MKLN1: variants seen among roughly 807,000 people sequenced by gnomAD.
MKLN1 encodes the protein muskelin 1.
Under a neutral mutation model 99.0 loss-of-function variants are expected in MKLN1, and 18 were observed. That is an observed-to-expected ratio of 0.18 (90% CI 0.13 to 0.27). The LOEUF is 0.27. Ranked by LOEUF, MKLN1 falls within the 10% of genes least tolerant of loss-of-function variation. The pLI is 1.00. For missense variants in MKLN1, 621 were observed against 875.9 expected (o/e 0.71, Z 3.67); for synonymous variants, 288 against 293.2 (o/e 0.98, Z 0.18).
At chr7:131,462,171 ACATGT>A (rs1796534429) in intron 12 of MKLN1, among the ~76,000 whole-genome samples, 1 of 152,056 alleles carries the variant, frequency 6.6e-6, no homozygotes, top group African/African-American at 2.4e-5. Flanking sequence ...AGCTAGAACT[ACATGT>A]GCACACCACC....
At position 131,453,407 on chromosome 7, in the gene MKLN1, A is replaced by G. The variant is rs980571165; in HGVS notation, c.1525+7504A>G. 2.0e-5 allele frequency among the ~76,000 whole-genome samples: 3 copies of G among 152,338 alleles called. No individual in the cohort carries two copies. The East Asian group carries it at 5.8e-4, about 29-fold the overall frequency. On this transcript the variant is annotated intron_variant, in intron 12 of 17. Coordinates refer to ENST00000352689, the MANE Select transcript of MKLN1 (RefSeq NM_013255.5). Reference sequence around the variant, plus strand: ...TATGGTAAAGTTGGCATTTCCAGTCAGAGAGAAAGAATAGATTAAACAGTA... The same window carrying G: ...TATGGTAAAGTTGGCATTTCCAGTCGGAGAGAAAGAATAGATTAAACAGTA...
chr7:131,434,274 A>G (rs977600757), intron 9 of MKLN1, among the ~76,000 whole-genome samples: 4 of 151,934 alleles, frequency 2.6e-5, no homozygotes, highest in African/African-American at 9.7e-5. Flanking sequence ...ATCTCTCAGC[A>G]CTCTTAAGAG....
At chr7:131,121,997 G>A (rs1795379774) in intron 1 of MKLN1, among the ~76,000 whole-genome samples, 1 of 152,228 alleles carries the variant, frequency 6.6e-6, no homozygotes, top group Non-Finnish European at 1.5e-5. Context: ...AATCTGTTAA[G>A]GAGGATCAGC....
At chr7:131,443,440 A>G in intron 10 of MKLN1, 41 bp from the exon 11 acceptor site, 1 of 1,436,590 alleles carries the variant, frequency 7.0e-7, no homozygotes, top group Non-Finnish European at 9.8e-7. Context: ...ATATGACAGG[A>G]ACAAACTAAA....
Position 131,489,771 on chromosome 7 carries a change from A to G in MKLN1, c.*2043A>G, listed in dbSNP as rs894850908. ...GGAAACTAAGTTCTTGACCTCAGTA[A>G]TTTTATTTTTGTTTTTCCCTAAATG... On this transcript the variant is annotated 3_prime_UTR_variant, in exon 18 of 18. Coordinates refer to ENST00000352689, the MANE Select transcript of MKLN1 (RefSeq NM_013255.5). The G allele has an allele frequency of 6.6e-6, 1 of 152,052 alleles. No homozygotes were observed. The highest frequency in any genetic ancestry group is 2.4e-5 in the African/African-American group (1 of 41,410). The allele number at this position is 152,052 out of a possible 1,614,324, so 9.4% of individuals were successfully genotyped here.
intron 1 of MKLN1, among the ~76,000 whole-genome samples, chr7:131,115,746 A>G (rs1020852624): frequency 6.6e-6 from 1 of 152,136 alleles, no homozygotes; most frequent in Non-Finnish European, 1.5e-5. Flanking sequence ...TTGCTCTTGT[A>G]TTATAGGATT....
intron 2 of MKLN1, among the ~76,000 whole-genome samples, chr7:131,195,059 T>C (rs1004221599): frequency 2.0e-5 from 3 of 152,194 alleles, no homozygotes; most frequent in Non-Finnish European, 4.4e-5. Context: ...CATACTTCTT[T>C]TACAATTTCC....
intron 2 of MKLN1, among the ~76,000 whole-genome samples, chr7:131,198,711 A>G (rs1158558412): frequency 6.6e-6 from 1 of 152,216 alleles, no homozygotes; most frequent in Non-Finnish European, 1.5e-5. Flanking sequence ...AAATTTTGCT[A>G]AGTGAATTGA....
chr7:131,117,086 AGT>A (rs1453615647), intron 1 of MKLN1, among the ~76,000 whole-genome samples: 1 of 152,112 alleles, frequency 6.6e-6, no homozygotes, highest in Non-Finnish European at 1.5e-5. Context: ...CACGATTTAT[AGT>A]AGTAGTTAAA....
At chr7:131,423,593 A>G (rs555492885) in intron 8 of MKLN1, among the ~76,000 whole-genome samples, 16 of 152,284 alleles carry the variant, frequency 1.1e-4, no homozygotes, top group African/African-American at 3.8e-4. Context: ...CGGCCTCCCA[A>G]AGTGCTGGGA....
intron 3 of MKLN1, among the ~76,000 whole-genome samples, chr7:131,274,735 C>T (rs1310001507): frequency 1.3e-5 from 2 of 151,654 alleles, no homozygotes; most frequent in Non-Finnish European, 2.9e-5. Flanking sequence ...AGCTCTTAAG[C>T]AGTGGCTTTG....
At chr7:131,291,671 G>T (rs1798219808) in intron 3 of MKLN1, among the ~76,000 whole-genome samples, 1 of 148,958 alleles carries the variant, frequency 6.7e-6, no homozygotes, top group African/African-American at 2.5e-5. Flanking sequence ...ACTTAGGAAT[G>T]ATGATGCGAC....
chr7:131,163,107 C>G (rs1563236731), intron 2 of MKLN1, among the ~76,000 whole-genome samples: 1 of 152,216 alleles, frequency 6.6e-6, no homozygotes, highest in Non-Finnish European at 1.5e-5. Context: ...AAGCGCAACT[C>G]TGTCTCCAAT....
chr7:131,428,881 A>G, intron 8 of MKLN1, 152 bp from the exon 9 acceptor site: 1 of 586,144 alleles, frequency 1.7e-6, no homozygotes, highest in Admixed American at 3.0e-5. Flanking sequence ...TTAGTCTAGT[A>G]TATATTTGAG....
chr7:131,178,678 T>C (rs1173088328), intron 2 of MKLN1, among the ~76,000 whole-genome samples: 3 of 152,174 alleles, frequency 2.0e-5, no homozygotes, highest in African/African-American at 4.8e-5. Flanking sequence ...TTTGTTTTGC[T>C]TTTTTCCTTT....
intron 1 of MKLN1, among the ~76,000 whole-genome samples, chr7:131,124,740 A>G (rs1795428242): frequency 2.0e-5 from 3 of 152,048 alleles, no homozygotes; most frequent in Non-Finnish European, 2.9e-5. Context: ...CTTGAACCCC[A>G]GCCTACTTTA....
At chr7:131,259,348 A>T (rs375698424) in intron 3 of MKLN1, among the ~76,000 whole-genome samples, 1 of 152,182 alleles carries the variant, frequency 6.6e-6, no homozygotes, top group East Asian at 1.9e-4. Context: ...GAGACAGAAT[A>T]GAATAGTATA....
chr7:131,351,571 C>G (rs1191574354), intron 1 of MKLN1, among the ~76,000 whole-genome samples: 4 of 152,036 alleles, frequency 2.6e-5, no homozygotes, highest in Non-Finnish European at 4.4e-5. Context: ...AAGTGGTCCT[C>G]CCACCTCAGC....
intron 1 of MKLN1, among the ~76,000 whole-genome samples, chr7:131,118,019 C>G (rs1315193213): frequency 6.6e-6 from 1 of 152,132 alleles, no homozygotes; most frequent in East Asian, 1.9e-4. Flanking sequence ...GTGTAATCCC[C>G]AATGTTGGAG....
Sources: allele counts gnomAD v4.1 joint callset (sites outside exome capture counted in the v4.1 genomes callset), GRCh38; gene constraint gnomAD v4.1.1; transcripts MANE v1.5; gene names NCBI Gene and HGNC (gene_info 2026-07-23, HGNC 2026-07-21).